Variants in NXPH1 observed in about 807,000 individuals in gnomAD.
NXPH1 encodes the protein neurexophilin-1.
A neutral mutation model predicts 23.7 loss-of-function variants in NXPH1; 5 were observed. The ratio of observed to expected loss-of-function variants is 0.21; its 90% CI spans 0.11 to 0.44. The LOEUF is 0.44. Ranked by LOEUF, NXPH1 falls within the 20% of genes least tolerant of loss-of-function variation. NXPH1 has a pLI of 0.99. For missense variants in NXPH1, 324 were observed against 321.6 expected, an observed-to-expected ratio of 1.01 and a Z score of -0.06; for synonymous variants, 144 against 122.2, an observed-to-expected ratio of 1.18 and a Z score of -1.18.
intron 2 of NXPH1, among the ~76,000 whole-genome samples, chr7:8,511,357 T>C (rs891213937): frequency 1.3e-5 from 2 of 152,132 alleles, no homozygotes; most frequent in Non-Finnish European, 2.9e-5. Context: ...ATTTTGCATT[T>C]CCTTTCTGCA....
At chr7:8,627,017 C>T (rs1820006405) in intron 2 of NXPH1, among the ~76,000 whole-genome samples, 1 of 152,084 alleles carries the variant, frequency 6.6e-6, no homozygotes, top group Non-Finnish European at 1.5e-5. Context: ...TTTATGCCCC[C>T]ACCTTGTTTA....
intron 2 of NXPH1, among the ~76,000 whole-genome samples, chr7:8,456,918 G>A (rs1004516361): frequency 1.3e-5 from 2 of 152,190 alleles, no homozygotes; most frequent in Non-Finnish European, 2.9e-5. Flanking sequence ...TGTCCCCACT[G>A]CAGCCTAGAT....
At chr7:8,444,975 A>C (rs1172365843) in intron 2 of NXPH1, among the ~76,000 whole-genome samples, 1 of 152,216 alleles carries the variant, frequency 6.6e-6, no homozygotes, top group Non-Finnish European at 1.5e-5. Flanking sequence ...CCTTGTGGTC[A>C]GAGACAGCTA....
intron 2 of NXPH1, among the ~76,000 whole-genome samples, chr7:8,650,390 A>G (rs1820472699): frequency 6.6e-6 from 1 of 152,214 alleles, no homozygotes. Flanking sequence ...TGTGATTTTT[A>G]TAACATTTAG....
chr7:8,472,727 G>A (rs1481729338), intron 2 of NXPH1, among the ~76,000 whole-genome samples: 1 of 152,138 alleles, frequency 6.6e-6, no homozygotes, highest in Admixed American at 6.6e-5. Flanking sequence ...CTCCTTCTCA[G>A]TCTTATAAAG....
At position 8,473,995 on chromosome 7, in the gene NXPH1, G is replaced by T. The variant is rs553013919; in HGVS notation, c.54+38228G>T. ...TTGATGAATAGCTGGACTCACCAGT[G>T]AGTGGACAGCTCATTAGCCAATCTA... On this transcript the variant is annotated intron_variant, in intron 2 of 2. Coordinates refer to ENST00000405863, the MANE Select transcript of NXPH1 (RefSeq NM_152745.3). Among the ~76,000 whole-genome samples the T allele has an allele frequency of 2.6e-5, 4 of 152,272 alleles. No homozygotes were observed. The South Asian group carries it at 8.3e-4, about 32-fold the overall frequency.
intron 2 of NXPH1, among the ~76,000 whole-genome samples, chr7:8,679,737 G>A (rs181929223): frequency 6.6e-6 from 1 of 152,056 alleles, no homozygotes; most frequent in Admixed American, 6.5e-5. Context: ...TAAGATTTAA[G>A]CTAGGCTGGG....
intron 2 of NXPH1, among the ~76,000 whole-genome samples, chr7:8,663,046 T>C (rs1583219871): frequency 6.6e-6 from 1 of 152,154 alleles, no homozygotes; most frequent in South Asian, 2.1e-4. Context: ...TATTTTGGCG[T>C]GTTGGGAGAT....
At chr7:8,534,358 A>T (rs1454707737) in intron 2 of NXPH1, among the ~76,000 whole-genome samples, 2 of 152,184 alleles carry the variant, frequency 1.3e-5, no homozygotes, top group Admixed American at 1.3e-4. Flanking sequence ...TTTAAAAAAT[A>T]GCACAGTGGA....
chr7:8,662,105 T>A (rs1820685323), intron 2 of NXPH1, among the ~76,000 whole-genome samples: 1 of 151,920 alleles, frequency 6.6e-6, no homozygotes, highest in African/African-American at 2.4e-5. Context: ...CCTTCTTAAA[T>A]GCTTTGGCTC....
At chr7:8,674,140 C>T (rs968269448) in intron 2 of NXPH1, among the ~76,000 whole-genome samples, 14 of 149,070 alleles carry the variant, frequency 9.4e-5, no homozygotes, top group African/African-American at 3.5e-4. Flanking sequence ...TAATCAATGT[C>T]CCTAGTACTT....
At chr7:8,582,721 G>T (rs1818904578) in intron 2 of NXPH1, among the ~76,000 whole-genome samples, 1 of 152,094 alleles carries the variant, frequency 6.6e-6, no homozygotes, top group Admixed American at 6.5e-5. Context: ...CCCACAGGTG[G>T]GCCAGAAAAA....
chr7:8,637,689 A>G (rs183203795), intron 2 of NXPH1, among the ~76,000 whole-genome samples: 1 of 152,322 alleles, frequency 6.6e-6, no homozygotes, highest in Non-Finnish European at 1.5e-5. Context: ...GCTTTGAGCT[A>G]CTTTGGCCTT....
chr7:8,452,451 G>A (rs980736380), intron 2 of NXPH1, among the ~76,000 whole-genome samples: 1 of 152,014 alleles, frequency 6.6e-6, no homozygotes, highest in African/African-American at 2.4e-5. Flanking sequence ...TAATGCCTTG[G>A]TTCCTTGATA....
intron 2 of NXPH1, among the ~76,000 whole-genome samples, chr7:8,503,261 G>A (rs1417318233): frequency 6.6e-6 from 1 of 152,012 alleles, no homozygotes; most frequent in African/African-American, 2.4e-5. Context: ...CTGAGACACA[G>A]AAAGGTGAAA....
intron 2 of NXPH1, among the ~76,000 whole-genome samples, chr7:8,541,478 C>T (rs1004879827): frequency 1.3e-5 from 2 of 151,328 alleles, no homozygotes; most frequent in Admixed American, 1.3e-4. Context: ...CCAAGAAGTC[C>T]AATGAGCCCT....
At chr7:8,711,727 C>G (rs573442871) in intron 2 of NXPH1, among the ~76,000 whole-genome samples, 2 of 152,202 alleles carry the variant, frequency 1.3e-5, no homozygotes, top group Admixed American at 1.3e-4. Flanking sequence ...GCAGAATGAA[C>G]AAGGACTTGA....
At chr7:8,458,263 C>T (rs967714919) in intron 2 of NXPH1, among the ~76,000 whole-genome samples, 4 of 152,064 alleles carry the variant, frequency 2.6e-5, no homozygotes, top group African/African-American at 7.2e-5. Context: ...GGAAGAAGAC[C>T]AGATGAGGAA....
intron 2 of NXPH1, among the ~76,000 whole-genome samples, chr7:8,541,663 A>G (rs1372612959): frequency 4.6e-5 from 7 of 151,662 alleles, no homozygotes; most frequent in African/African-American, 9.7e-5. Context: ...AACAATCACA[A>G]TGTAATATGG....
Sources: allele counts gnomAD v4.1 joint callset (sites outside exome capture counted in the v4.1 genomes callset), GRCh38; gene constraint gnomAD v4.1.1; transcripts MANE v1.5; gene names NCBI Gene and HGNC (gene_info 2026-07-23, HGNC 2026-07-21).